Variants in MBP observed in about 807,000 individuals in gnomAD.
The protein encoded by MBP is myelin basic protein.
Under a neutral mutation model 35.8 loss-of-function variants are expected in MBP, and 16 were observed. That is an observed-to-expected ratio of 0.45 (90% CI 0.30 to 0.68). The LOEUF (loss-of-function observed/expected upper bound fraction) is 0.68, where lower values mean the gene tolerates loss of function less well. MBP is among the 30% of genes least tolerant of loss of function. MBP has a pLI of 0.08. For synonymous variants in MBP, 143 were observed against 159.6 expected (o/e 0.90, Z 0.78); for missense variants, 380 against 404.7 (o/e 0.94, Z 0.52).
At chr18:77,037,381 C>G (rs907408571) in intron 3 of MBP, among the ~76,000 whole-genome samples, 1 of 152,216 alleles carries the variant, frequency 6.6e-6, no homozygotes, top group African/African-American at 2.4e-5. Flanking sequence ...CTGAGCTGAG[C>G]AAGCGGCCAG....
intron 8 of MBP, chr18:76,981,378 C>A (rs1476404515): frequency 6.6e-6 from 1 of 152,200 alleles, no homozygotes; most frequent in Non-Finnish European, 1.5e-5. Flanking sequence ...AGCAACGAAC[C>A]AACACTGTCC....
intron 2 of MBP, among the ~76,000 whole-genome samples, chr18:77,085,683 GTTTT>G (rs10645727): frequency 1.6e-5 from 2 of 124,246 alleles, no homozygotes; most frequent in Admixed American, 8.6e-5. Flanking sequence ...AGTGCAATAA[GTTTT>G]TTTTTTTTTT....
intron 3 of MBP, among the ~76,000 whole-genome samples, chr18:77,035,048 C>T (rs373545628): frequency 3.3e-5 from 5 of 152,214 alleles, no homozygotes; most frequent in Admixed American, 1.3e-4. Flanking sequence ...ATGCAGCATG[C>T]CCCAAGTTTA....
At chr18:76,986,744 T>A in intron 7 of MBP, 1 of 985,506 alleles carries the variant, frequency 1.0e-6, no homozygotes, top group Non-Finnish European at 1.2e-6. Context: ...GCCACTTCCC[T>A]GCAAGCGTTA....
chr18:77,108,300 T>A (rs184859950), intron 1 of MBP: 1 of 152,358 alleles, frequency 6.6e-6, no homozygotes, highest in East Asian at 1.9e-4. Flanking sequence ...TTTCATTTTT[T>A]GCAATTAATC....
At chr18:76,985,600 G>A in intron 7 of MBP, 7 of 1,075,964 alleles carry the variant, frequency 6.5e-6, no homozygotes, top group Non-Finnish European at 6.8e-6. Flanking sequence ...GCCGGACAGA[G>A]GGAGGAGGCA....
intron 3 of MBP, among the ~76,000 whole-genome samples, chr18:77,056,190 T>C (rs1208035267): frequency 1.3e-5 from 2 of 152,234 alleles, no homozygotes; most frequent in Non-Finnish European, 2.9e-5. Context: ...TGCTGTCTCC[T>C]GTGCCTGGCC....
Position 76,980,420 on chromosome 18 carries a change from T to C in MBP, c.*7A>G. On this transcript the variant is annotated 3_prime_UTR_variant, in exon 9 of 9. Transcript: ENST00000355994. ...CTGAGGACAGGATTCCGGAACCAGG[T>C]GGGTTTTCAGCGTCTAGCCATGGGT... is the stretch of plus-strand genomic sequence containing the variant. The C allele has an allele frequency of 6.2e-7, 1 of 1,612,714 alleles. No homozygotes were observed. Among genetic ancestry groups the C allele is most frequent in the Non-Finnish European group, 8.5e-7 (1 of 1,178,890 alleles).
intron 4 of MBP, chr18:77,014,363 G>C (rs181653363): frequency 6.1e-6 from 6 of 985,396 alleles, no homozygotes; most frequent in South Asian, 4.7e-5. Context: ...GTCATGGGGG[G>C]GCTCCACTCA....
At chr18:77,111,708 TG>T (rs1266877788) in intron 1 of MBP, among the ~76,000 whole-genome samples, 1 of 152,148 alleles carries the variant, frequency 6.6e-6, no homozygotes, top group Non-Finnish European at 1.5e-5. Flanking sequence ...CGCCCTGGCT[TG>T]GCAGGCTCAG....
At chr18:77,108,670 G>A (rs1976354736) in intron 1 of MBP, 1 of 152,268 alleles carries the variant, frequency 6.6e-6, no homozygotes, top group African/African-American at 2.4e-5. Context: ...GCAGTCCACT[G>A]TTGTTGACTG....
intron 2 of MBP, among the ~76,000 whole-genome samples, chr18:77,092,850 C>T (rs1321843787): frequency 6.6e-6 from 1 of 152,198 alleles, no homozygotes; most frequent in African/African-American, 2.4e-5. Context: ...CAGTCTGTGA[C>T]GATGACGAGA....
Position 77,035,216 on chromosome 18 carries a change from T to C in MBP, c.140-17948A>G, listed in dbSNP as rs1459070286. On this transcript the variant is annotated intron_variant, in intron 3 of 8. Transcript: ENST00000355994. The stretch of plus-strand genomic sequence containing the variant: ...TTCCGTACTCATACTCATTCTAAGC[T>C]GGTGATCAACCCATGGCTTTCACAG... 2.0e-5 allele frequency among the ~76,000 whole-genome samples: 3 copies of C among 152,222 alleles called. No individual in the cohort carries two copies. The East Asian group carries it at 5.8e-4, about 29-fold the overall frequency.
intron 4 of MBP, chr18:77,005,348 C>G (rs1015074430): frequency 1.1e-4 from 17 of 152,266 alleles, no homozygotes; most frequent in African/African-American, 3.6e-4. Context: ...GCAGCCCGCC[C>G]CCAGGTACCA....
chr18:76,994,593 G>C (rs1182729579), intron 4 of MBP, among the ~76,000 whole-genome samples: 1 of 152,204 alleles, frequency 6.6e-6, no homozygotes, highest in African/African-American at 2.4e-5. Context: ...GAAGGTGACT[G>C]TTATAATGAA....
rs1349352353 is a variant in MBP at position 77,101,303 on chromosome 18, G to C, written c.51+3908C>G. ...AAGATGGAGAACCAAATACAAAATG[G>C]GCAGAGTGATAGAAAGCTGGTAAAT... On this transcript the variant is annotated intron_variant, in intron 2 of 8. Transcript: ENST00000355994. The surrounding 1 kb of genome is among the most constrained non-coding windows in gnomAD (Gnocchi z 4.3). Among the ~76,000 whole-genome samples the C allele has an allele frequency of 1.3e-5, 2 of 152,168 alleles. No homozygotes were observed. The highest frequency in any genetic ancestry group is 2.9e-5 in the Non-Finnish European group (2 of 68,022).
intron 8 of MBP, chr18:76,984,278 A>G (rs1396854419): frequency 6.4e-6 from 1 of 157,332 alleles, no homozygotes; most frequent in African/African-American, 2.4e-5. Context: ...TCTCAGAGAC[A>G]GAGCTTATAA....
chr18:77,102,410 T>G lies in MBP; in HGVS notation c.51+2801A>C, dbSNP rs1976067159. Among the ~76,000 whole-genome samples the G allele has an allele frequency of 6.6e-6, 1 of 152,214 alleles. No individual in the cohort carries two copies. Among genetic ancestry groups the G allele is most frequent in the Non-Finnish European group, 1.5e-5 (1 of 68,042 alleles). On this transcript the variant is annotated intron_variant, in intron 2 of 8. Transcript: ENST00000355994. The surrounding 1 kb of genome is among the most constrained non-coding windows in gnomAD (Gnocchi z 4.4). ...CACGTTTTCTTTTGTGATTCAAGTT[T>G]AATGCTCTACTAAGCTATGCAGCAT...
intron 2 of MBP, among the ~76,000 whole-genome samples, chr18:77,099,748 A>G (rs916945089): frequency 6.6e-6 from 1 of 152,238 alleles, no homozygotes; most frequent in Non-Finnish European, 1.5e-5. Flanking sequence ...ATGACTCAGC[A>G]CGTGGGAGAT....
Sources: gnomAD v4.1 joint callset for allele counts (sites outside exome capture counted in the v4.1 genomes callset) on GRCh38, gnomAD v4.1.1 for gene constraint, Gnocchi (gnomAD v3.1) non-coding constraint, MANE v1.5 for transcripts, NCBI Gene and HGNC (gene_info 2026-07-23, HGNC 2026-07-21) for gene names.